Variants in PRRC2C observed in about 807,000 individuals in gnomAD.
PRRC2C encodes the protein proline rich coiled-coil 2C.
A neutral mutation model predicts 317.2 loss-of-function variants in PRRC2C; 72 were observed. The ratio of observed to expected loss-of-function variants is 0.23; its 90% confidence interval spans 0.19 to 0.28. The LOEUF is 0.28. Among genes scored for constraint, PRRC2C ranks in the 10% least tolerant of loss-of-function variants. PRRC2C has a pLI of 1.00. For missense variants in PRRC2C, 3,074 were observed against 3,459.7 expected, an observed-to-expected ratio of 0.89 and a Z score of 2.80; for synonymous variants, 1,296 against 1,205.9, an observed-to-expected ratio of 1.07 and a Z score of -1.55.
At chr1:171,493,865 A>C (rs1031835345) in intron 1 of PRRC2C, among the ~76,000 whole-genome samples, 2 of 152,220 alleles carry the variant, frequency 1.3e-5, no homozygotes, top group African/African-American at 4.8e-5. Context: ...TAGTTTTGCA[A>C]ATATTGATTA....
rs1350774694 is a variant in PRRC2C at position 171,533,065 on chromosome 1, G to A, written c.1873+104G>A. 2.6e-6 allele frequency: 3 copies of A among 1,164,604 alleles called. No individual in the cohort carries two copies. The African/African-American group carries it at 4.8e-5, about 19-fold the overall frequency. The allele number at this position is 1,164,604 out of a possible 1,614,324, so 72.1% of individuals were successfully genotyped here. ...TTAAATATATGTAATCAATATAAAA[G>A]TGATTGTTTTATGATAGCATTTGCA... On this transcript the variant is annotated intron_variant, in intron 12 of 34. Transcript: ENST00000647382.
At position 171,589,415 on chromosome 1, in the gene PRRC2C, A is replaced by G. The variant is rs914762544; in HGVS notation, c.8246A>G (p.His2749Arg). Residue 2749 changes from histidine to arginine, a missense_variant, in exon 34 of 35, where the codon CAT (histidine) becomes CGT (arginine). Transcript: ENST00000647382. ...GTCCCTCCATTGGTAAGAGCCCCAC[A>G]TACTAACACCTTCCCAGCGCCTGTT... is the stretch of plus-strand genomic sequence containing the variant. ...NLVPPLVRAP[H>R]TNTFPAPVQR... The G allele has an allele frequency of 7.8e-7, 1 of 1,288,492 alleles. No individual in the cohort carries two copies. Among genetic ancestry groups the G allele is most frequent in the African/African-American group, 1.5e-5 (1 of 65,444 alleles). The allele number at this position is 1,288,492 out of a possible 1,614,324, so 79.8% of individuals were successfully genotyped here.
At position 171,593,273 on chromosome 1, in the gene PRRC2C, C is replaced by CCT. The variant is rs1553252207; in HGVS notation, c.*1426_*1427insCT. On this transcript the variant is annotated 3_prime_UTR_variant, in exon 35 of 35. Transcript: ENST00000647382. ...TTATATAAATATATATATATATATA[C>CCT]ATATATATATATAATTTGAATTTTT... The CCT allele has an allele frequency of 1.4e-5, 2 of 145,642 alleles. No individual in the cohort carries two copies. The highest frequency in any genetic ancestry group is 4.0e-4 in the East Asian group (2 of 5,046). 9.0% of individuals were successfully genotyped at this position (145,642 alleles called of 1,614,324 possible).
chr1:171,565,741 C>T (rs1048374774), intron 20 of PRRC2C, among the ~76,000 whole-genome samples: 8 of 152,184 alleles, frequency 5.3e-5, no homozygotes, highest in Non-Finnish European at 1.0e-4. Context: ...CCACCATACC[C>T]GGCCCAAATT....
Position 171,577,477 on chromosome 1 carries a change from A to T in PRRC2C, c.6999A>T (p.Thr2333=). Residue 2333 remains threonine, a synonymous_variant, in exon 26 of 35, where the codon ACA becomes ACT. Coordinates refer to ENST00000647382, the MANE Select transcript of PRRC2C (RefSeq NM_001387844.1). ...CCTCTTCTTTGAGCACAAAATCTAC[A>T]ACCACATCGGACCCTCCAAATATTT... ...YTTSSLSTKS[T]TTSDPPNICK... is the part of the protein sequence containing the mutation. 6.2e-7 allele frequency: 1 copy of T among 1,613,078 alleles called. No individual in the cohort carries two copies. Among genetic ancestry groups the T allele is most frequent in the Non-Finnish European group, 8.5e-7 (1 of 1,179,206 alleles).
chr1:171,534,683 C>T (rs536168634), intron 12 of PRRC2C, among the ~76,000 whole-genome samples: 1 of 152,186 alleles, frequency 6.6e-6, no homozygotes, highest in Non-Finnish European at 1.5e-5. Context: ...ACCTCAGCCT[C>T]CTGAGTTACT....
chr1:171,551,103 A>G (rs1364219974), intron 18 of PRRC2C, among the ~76,000 whole-genome samples: 7 of 152,066 alleles, frequency 4.6e-5, no homozygotes, highest in Non-Finnish European at 7.4e-5. Flanking sequence ...AAGCATTCCT[A>G]TTTCTCCACG....
rs751708359 is a variant in PRRC2C at position 171,550,195 on chromosome 1, T to C, written c.5082T>C (p.Arg1694=). 3.1e-6 allele frequency: 5 copies of C among 1,606,274 alleles called. No homozygotes were observed. The South Asian group carries it at 5.6e-5, about 18-fold the overall frequency. ...TEVVSKKQQK[R]LQDEERRKKE... is the part of the protein sequence containing the mutation. ...TGGTATCCAAAAAACAACAAAAACG[T>C]TTACAGGATGAAGAACGCCGAAAGA... is the stretch of plus-strand genomic sequence containing the variant. The change falls in exon 18 of 35, where the codon CGT becomes CGC. Residue 1694 remains arginine, a synonymous_variant. Coordinates refer to ENST00000647382, the MANE Select transcript of PRRC2C (RefSeq NM_001387844.1).
rs768491576 is a variant in PRRC2C, at chr1:171,576,693, G to GT, written c.6956-733dup. On this transcript the variant is annotated intron_variant, in intron 25 of 34. Coordinates refer to ENST00000647382, the MANE Select transcript of PRRC2C (RefSeq NM_001387844.1). Reference sequence around the variant, plus strand: ...GGTTAGTTGTTTTTGGAGTTGTGTGGTTTTTTTTGTTTTTTAAGAGTTGAT... The same window carrying GT: ...GGTTAGTTGTTTTTGGAGTTGTGTGGTTTTTTTTTGTTTTTTAAGAGTTGAT... Among the ~76,000 whole-genome samples the GT allele has an allele frequency of 1.4e-3, 215 of 151,690 alleles. 1 individual carries two copies. Among genetic ancestry groups the GT allele is most frequent in the Non-Finnish European group, 2.4e-3 (165 of 67,846 alleles).
At chr1:171,589,869 CCAAATGAATTGTTAT>C (rs1364174784) in intron 34 of PRRC2C, among the ~76,000 whole-genome samples, 1 of 150,278 alleles carries the variant, frequency 6.7e-6, no homozygotes, top group East Asian at 2.0e-4. Flanking sequence ...TAAACTGTGG[CCAAATGAATTGTTAT>C]CAAATAAATA....
rs761786904 is a variant in PRRC2C at position 171,541,543 on chromosome 1, C to T, written c.4077C>T (p.Gly1359=). Reference sequence around the variant, plus strand: ...GGCGTGGTGGAAGGGATCCTGGAGGCCGTCCATCACGCCCTTCCACTTTAC... The same window carrying T: ...GGCGTGGTGGAAGGGATCCTGGAGGTCGTCCATCACGCCCTTCCACTTTAC... ...TFRRGGRDPG[G]RPSRPSTLRR... The change falls in exon 16 of 35, where the codon GGC becomes GGT. Residue 1359 remains glycine (G), a synonymous_variant. Transcript: ENST00000647382. This position sits in a 1 kb window ranked among gnomAD's most constrained non-coding sequence, Gnocchi z 4.1. The T allele has an allele frequency of 3.1e-6, 5 of 1,613,308 alleles. No homozygotes were observed. Among genetic ancestry groups the T allele is most frequent in the East Asian group, 4.5e-5 (2 of 44,838 alleles).
intron 4 of PRRC2C, 141 bp downstream of exon 4, chr1:171,514,786 T>A (rs1672030186): frequency 6.9e-6 from 5 of 729,326 alleles, no homozygotes; most frequent in Admixed American, 3.3e-5. Flanking sequence ...AAAGGTTTTT[T>A]AAAAAATCTC....
At chr1:171,491,021 T>C (rs941286227) in intron 1 of PRRC2C, among the ~76,000 whole-genome samples, 3 of 152,214 alleles carry the variant, frequency 2.0e-5, no homozygotes, top group African/African-American at 7.2e-5. Context: ...TATGTATTTC[T>C]ATATATCTTC....
At chr1:171,497,047 T>C (rs1331334630) in intron 1 of PRRC2C, among the ~76,000 whole-genome samples, 1 of 152,156 alleles carries the variant, frequency 6.6e-6, no homozygotes, top group East Asian at 1.9e-4. Context: ...CACCTCTGCC[T>C]CCCAGAGTGC....
chr1:171,514,669 G>C, intron 4 of PRRC2C, 24 bp downstream of exon 4: 1 of 1,536,660 alleles, frequency 6.5e-7, no homozygotes, highest in Non-Finnish European at 8.8e-7. Flanking sequence ...AGTTGGGGAA[G>C]CTGCCTAGGC....
Position 171,541,184 on chromosome 1 carries a change from C to A in PRRC2C, c.3718C>A (p.Gln1240Lys). The part of the protein sequence containing the change: ...AEHIPSGPLR[Q>K]REESETRSES... Reference sequence around the variant, plus strand: ...GCATATACCCTCAGGGCCTCTCAGACAGCGAGAAGAAAGTGAAACACGGAG... The same window carrying A: ...GCATATACCCTCAGGGCCTCTCAGAAAGCGAGAAGAAAGTGAAACACGGAG... The change falls in exon 16 of 35, where the codon CAG becomes AAG. Residue 1240 changes from glutamine to lysine, a missense_variant. By Grantham distance (53) the Gln-to-Lys change is moderately conservative (BLOSUM62 1). Coordinates refer to ENST00000647382, the MANE Select transcript of PRRC2C (RefSeq NM_001387844.1). This position sits in a 1 kb window ranked among gnomAD's most constrained non-coding sequence, Gnocchi z 4.1. 1 of 1,612,740 alleles carries A rather than the reference C, an allele frequency of 6.2e-7. No homozygotes were observed. Among genetic ancestry groups the A allele is most frequent in the Non-Finnish European group, 8.5e-7 (1 of 1,179,528 alleles).
At chr1:171,543,551 T>C (rs1168828240) in intron 16 of PRRC2C, among the ~76,000 whole-genome samples, 1 of 152,150 alleles carries the variant, frequency 6.6e-6, no homozygotes, top group African/African-American at 2.4e-5. Flanking sequence ...TAATACCTGG[T>C]ATATAGTAAG....
chr1:171,496,905 G>C (rs982466679), intron 1 of PRRC2C, among the ~76,000 whole-genome samples: 1 of 151,812 alleles, frequency 6.6e-6, no homozygotes, highest in Non-Finnish European at 1.5e-5. Context: ...AGGCTCAAGC[G>C]ATCCTCCTGC....
At chr1:171,559,289 G>A (rs1009075356) in intron 19 of PRRC2C, among the ~76,000 whole-genome samples, 8 of 152,116 alleles carry the variant, frequency 5.3e-5, no homozygotes, top group African/African-American at 1.9e-4. Flanking sequence ...GCCTTTCATG[G>A]CTAGAGAGAA....
Sources: gnomAD v4.1 joint callset for allele counts (sites outside exome capture counted in the v4.1 genomes callset) on GRCh38, gnomAD v4.1.1 for gene constraint, Gnocchi (gnomAD v3.1) non-coding constraint, MANE v1.5 for transcripts, NCBI Gene and HGNC (gene_info 2026-07-23, HGNC 2026-07-21) for gene names.